The following SEC63 variants were observed in gnomAD, a reference collection of about 807,000 sequenced individuals.
SEC63 encodes SEC63 protein translocation regulator.
Under a neutral mutation model 116.2 loss-of-function variants are expected in SEC63, and 56 were observed. The ratio of observed to expected loss-of-function variants is 0.48; its 90% CI spans 0.39 to 0.60. SEC63 has a LOEUF of 0.60. Ranked by LOEUF, SEC63 falls within the 20% of genes least tolerant of loss-of-function variation. The probability of loss-of-function intolerance (pLI) is 0.00; values close to 1 mark genes in which losing one functional copy is unlikely to be tolerated. For synonymous variants in SEC63, 273 were observed against 294.6 expected (o/e 0.93, Z 0.75); for missense variants, 668 against 900.0 (o/e 0.74, Z 3.30).
intron 14 of SEC63, among the ~76,000 whole-genome samples, chr6:107,894,742 G>A (rs564211801): frequency 4.6e-5 from 7 of 150,986 alleles, no homozygotes; most frequent in Admixed American, 1.3e-4. Flanking sequence ...TAATTCAGGA[G>A]TCAACTCTGA....
In SEC63 at chr6:107,921,902, G is replaced by A; in HGVS notation, c.347C>T (p.Thr116Ile). The stretch of plus-strand genomic sequence containing the variant: ...ATATTGTTTTTTAATTTCTGCTACT[G>A]TGGCTCCCTGGGGAAAAACAAAAAA... ...YEVLNLDPGA[T>I]VAEIKKQYRL... Residue 116 changes from threonine (T) to isoleucine (I), a missense_variant, in exon 4 of 21, where the codon ACA becomes ATA. Coordinates refer to ENST00000369002, the MANE Select transcript of SEC63 (RefSeq NM_007214.5). 2 of 1,530,614 alleles carry A rather than the reference G, an allele frequency of 1.3e-6. No individual in the cohort carries two copies. Among genetic ancestry groups the A allele is most frequent in the South Asian group, 1.1e-5 (1 of 87,604 alleles). 94.8% of individuals were successfully genotyped at this position (1,530,614 alleles called of 1,614,324 possible).
chr6:107,871,549 G>A lies in SEC63; in HGVS notation c.*155C>T, dbSNP rs1325147902. 2.6e-5 allele frequency: 19 copies of A among 743,748 alleles called. No homozygotes were observed. Among genetic ancestry groups the A allele is most frequent in the Non-Finnish European group, 4.5e-5 (19 of 420,742 alleles). The allele number at this position is 743,748 out of a possible 1,614,324, so 46.1% of individuals were successfully genotyped here. Reference sequence around the variant, plus strand: ...ATTTTTCAGGTTGTACCAAGGCACCGCCACTGCCTAGTTATATTATGCACC... The same window carrying A: ...ATTTTTCAGGTTGTACCAAGGCACCACCACTGCCTAGTTATATTATGCACC... On this transcript the variant is annotated 3_prime_UTR_variant, in exon 21 of 21. Coordinates refer to ENST00000369002, the MANE Select transcript of SEC63 (RefSeq NM_007214.5).
chr6:107,873,925 A>G (rs937235763), intron 19 of SEC63, among the ~76,000 whole-genome samples: 3 of 152,340 alleles, frequency 2.0e-5, no homozygotes, highest in African/African-American at 7.2e-5. Context: ...ACTACACTGA[A>G]TAGAATGAGC....
At chr6:107,908,594 G>A (rs1787205712) in intron 8 of SEC63, among the ~76,000 whole-genome samples, 1 of 152,094 alleles carries the variant, frequency 6.6e-6, no homozygotes, top group South Asian at 2.1e-4. Flanking sequence ...CGAGAACACA[G>A]CAAAAATTAA....
At chr6:107,919,749 G>A (rs1170196601) in intron 4 of SEC63, among the ~76,000 whole-genome samples, 1 of 151,852 alleles carries the variant, frequency 6.6e-6, no homozygotes, top group Non-Finnish European at 1.5e-5. Flanking sequence ...GTGAACCCGG[G>A]AGGCGGAAGT....
intron 11 of SEC63, 21 bp from the exon 12 acceptor site, chr6:107,903,019 A>G (rs1319361481): frequency 6.2e-7 from 1 of 1,613,846 alleles, no homozygotes; most frequent in South Asian, 1.1e-5. Flanking sequence ...ACAGGAAAAA[A>G]AGAAACAGGG....
intron 16 of SEC63, among the ~76,000 whole-genome samples, chr6:107,886,462 C>T (rs866913654): frequency 6.6e-6 from 1 of 152,226 alleles, no homozygotes; most frequent in African/African-American, 2.4e-5. Flanking sequence ...AACTAGTTTA[C>T]AGTCCCACCA....
chr6:107,910,874 G>A (rs942176731), intron 7 of SEC63, among the ~76,000 whole-genome samples: 2 of 151,684 alleles, frequency 1.3e-5, no homozygotes, highest in African/African-American at 4.8e-5. Context: ...GTTCAAACCA[G>A]CATGTCTGAC....
At chr6:107,909,332 A>G (rs1787223979) in intron 7 of SEC63, among the ~76,000 whole-genome samples, 1 of 151,614 alleles carries the variant, frequency 6.6e-6, no homozygotes, top group African/African-American at 2.4e-5. Context: ...AGCCATGATC[A>G]TACTACTGCA....
chr6:107,925,726 C>T (rs189815665), intron 2 of SEC63, among the ~76,000 whole-genome samples: 2 of 152,088 alleles, frequency 1.3e-5, no homozygotes, highest in Non-Finnish European at 2.9e-5. Flanking sequence ...AAATACATAC[C>T]GTTTTTCTAT....
intron 19 of SEC63, 72 bp downstream of exon 19, chr6:107,876,492 A>T (rs1299103385): frequency 2.2e-6 from 2 of 918,894 alleles, no homozygotes; most frequent in African/African-American, 3.2e-5. Flanking sequence ...TTTAAAAAAA[A>T]GATATATGAA....
intron 16 of SEC63, among the ~76,000 whole-genome samples, chr6:107,887,937 G>C (rs1039585125): frequency 1.3e-5 from 2 of 152,116 alleles, no homozygotes; most frequent in African/African-American, 4.8e-5. Flanking sequence ...GCTCTGCTCT[G>C]TTCCATTGGT....
At position 107,876,670 on chromosome 6, in the gene SEC63, CAAAAAAAAAA is replaced by C. The variant is rs749125299; in HGVS notation, c.1936-18_1936-9del. 4 of 754,958 alleles carry C rather than the reference CAAAAAAAAAA, an allele frequency of 5.3e-6. No individual in the cohort carries two copies. In the Admixed American group the frequency reaches 9.6e-5, roughly 18 times the overall value. The allele number at this position is 754,958 out of a possible 1,614,324, so 46.8% of individuals were successfully genotyped here. A position where few individuals can be genotyped will look rare whatever the true frequency, so the allele number is the denominator to read the frequency against. ...CCACCATTCTTGTTTTTCCTGGAAACAAAAAAAAAAAAAAAAAAAGAAGAGGGGTATAAAT... is the reference window on the plus strand; with the variant it reads ...CCACCATTCTTGTTTTTCCTGGAAACAAAAAAAAAGAAGAGGGGTATAAAT... On this transcript the variant is annotated splice_polypyrimidine_tract_variant and intron_variant, in intron 18 of 20. Transcript: ENST00000369002.
intron 1 of SEC63, among the ~76,000 whole-genome samples, chr6:107,945,928 GTTTGTTTA>G (rs1770473092): frequency 6.6e-6 from 1 of 151,724 alleles, no homozygotes. Context: ...TATTTTGTTT[GTTTGTTTA>G]TTTATTTATT....
chr6:107,899,386 T>C (rs1486767754), intron 13 of SEC63, among the ~76,000 whole-genome samples: 1 of 152,214 alleles, frequency 6.6e-6, no homozygotes, highest in Non-Finnish European at 1.5e-5. Context: ...CTACTTTCTA[T>C]AAGAAAATCT....
chr6:107,896,819 A>C (rs549429247), intron 14 of SEC63, among the ~76,000 whole-genome samples: 1 of 152,206 alleles, frequency 6.6e-6, no homozygotes, highest in East Asian at 1.9e-4. Flanking sequence ...TCTCTACTAA[A>C]AACACAAAAA....
At chr6:107,910,086 A>G (rs1380224623) in intron 7 of SEC63, among the ~76,000 whole-genome samples, 1 of 152,218 alleles carries the variant, frequency 6.6e-6, no homozygotes, top group African/African-American at 2.4e-5. Flanking sequence ...AAGATTTTAA[A>G]GAAAAAACAC....
At chr6:107,876,890 G>A in intron 18 of SEC63, 1 of 494,656 alleles carries the variant, frequency 2.0e-6, no homozygotes, top group South Asian at 2.4e-5. Flanking sequence ...GATTTCAATA[G>A]CTCCTTAAAA....
In SEC63 at chr6:107,930,230, T is replaced by C. The variant is rs866861464; in HGVS notation, c.125-716A>G. Reference sequence around the variant, plus strand: ...CTGGGTCTTGCTATGTTGCCAAGGCTGGTCTCAAACTCCTGGCCTCAAGCA... The same window carrying C: ...CTGGGTCTTGCTATGTTGCCAAGGCCGGTCTCAAACTCCTGGCCTCAAGCA... On this transcript the variant is annotated intron_variant, in intron 1 of 20. Transcript: ENST00000369002. 1.2e-4 allele frequency: 14 copies of C among 119,842 alleles called. No homozygotes were observed. The Admixed American group carries it at 1.5e-3, about 13-fold the overall frequency. 7.4% of individuals were successfully genotyped at this position (119,842 alleles called of 1,614,324 possible).
Sources: allele counts gnomAD v4.1 joint callset (sites outside exome capture counted in the v4.1 genomes callset), GRCh38; gene constraint gnomAD v4.1.1; transcripts MANE v1.5; gene names NCBI Gene and HGNC (gene_info 2026-07-23, HGNC 2026-07-21).